Variants in CNBD1 observed in about 807,000 individuals in gnomAD.
CNBD1 encodes the protein cyclic nucleotide-binding domain-containing protein 1.
Under a neutral mutation model 54.4 loss-of-function variants are expected in CNBD1, and 71 were observed. That is an observed-to-expected ratio of 1.30 (90% CI 1.08 to 1.59). The LOEUF is 1.59. Ranked by LOEUF, CNBD1 falls within the 40% of genes most tolerant of loss-of-function variation. The probability of loss-of-function intolerance (pLI) is 0.00; values close to 1 mark genes in which losing one functional copy is unlikely to be tolerated. For missense variants in CNBD1, 659 were observed against 518.0 expected, an observed-to-expected ratio of 1.27 and a Z score of -2.64; for synonymous variants, 182 against 170.7, an observed-to-expected ratio of 1.07 and a Z score of -0.51.
intron 4 of CNBD1, among the ~76,000 whole-genome samples, chr8:86,979,202 C>T (rs1402214953): frequency 6.6e-6 from 1 of 151,730 alleles, no homozygotes; most frequent in East Asian, 1.9e-4. Flanking sequence ...GAGTATTTGT[C>T]TTCTTGTGTA....
At position 87,205,997 on chromosome 8, in the gene CNBD1, A is replaced by G. The variant is rs1813964216; in HGVS notation, c.436A>G (p.Ile146Val). ...EFLAILKKLP[I>V]HRTPYEHKTV... Reference sequence around the variant, plus strand: ...GTATTTTTTTTTTTTTTTGAGGCCCATTCACAGGACGCCATATGAACACAA... The same window carrying G: ...GTATTTTTTTTTTTTTTTGAGGCCCGTTCACAGGACGCCATATGAACACAA... The change falls in exon 5 of 11, where the codon ATT becomes GTT. Residue 146 changes from isoleucine to valine, a missense_variant. Transcript: ENST00000518476. 1 of 1,490,838 alleles carries G rather than the reference A, an allele frequency of 6.7e-7. No individual in the cohort carries two copies. The allele number at this position is 1,490,838 out of a possible 1,614,324, so 92.4% of individuals were successfully genotyped here.
At chr8:86,976,645 A>G (rs1808348739) in intron 4 of CNBD1, among the ~76,000 whole-genome samples, 1 of 151,998 alleles carries the variant, frequency 6.6e-6, no homozygotes, top group African/African-American at 2.4e-5. Context: ...TACTCTCACA[A>G]TATTAATTCT....
In CNBD1 at chr8:87,086,572, A is replaced by G. The variant is rs186483321; in HGVS notation, c.432-119421A>G. 1.8e-3 allele frequency among the ~76,000 whole-genome samples: 277 copies of G among 152,338 alleles called. 1 individual carries two copies. Among genetic ancestry groups the G allele is most frequent in the African/African-American group, 6.0e-3 (250 of 41,568 alleles). On this transcript the variant is annotated intron_variant, in intron 4 of 10. Coordinates refer to ENST00000518476, the MANE Select transcript of CNBD1 (RefSeq NM_173538.3). ...AGTATATGAAGATATTGCTGAAACA[A>G]TGATAACTGTGTTAAGATTTTCAGA...
intron 8 of CNBD1, among the ~76,000 whole-genome samples, chr8:87,348,755 A>G (rs1473147671): frequency 2.0e-5 from 3 of 152,202 alleles, no homozygotes; most frequent in East Asian, 1.9e-4. Context: ...TGCTGATGCT[A>G]ATAGCCAGTA....
At chr8:87,157,590 A>G (rs1812772394) in intron 4 of CNBD1, among the ~76,000 whole-genome samples, 1 of 152,180 alleles carries the variant, frequency 6.6e-6, no homozygotes, top group Non-Finnish European at 1.5e-5. Context: ...ATAAAAAAAC[A>G]TTTATGTTCC....
Position 87,416,354 on chromosome 8 carries a change from C to A in CNBD1, c.214-12192C>A, listed in dbSNP as rs181051030. Among the ~76,000 whole-genome samples, 485 of 152,116 alleles carry A rather than the reference C, an allele frequency of 3.2e-3. 2 individuals carry two copies. Among genetic ancestry groups the A allele is most frequent in the African/African-American group, 0.011 (453 of 41,530 alleles). On this transcript the variant is annotated intron_variant, in intron 2 of 7. Coordinates refer to the CNBD1 transcript ENST00000521593. ...ATGTTTTCAGTTATTTGCAAATTAA[C>A]CAAGGCTTGCAGGAATCTGGAGAGC...
chr8:87,413,158 C>T (rs1001371392), intron 2 of CNBD1, among the ~76,000 whole-genome samples: 3 of 151,904 alleles, frequency 2.0e-5, no homozygotes, highest in African/African-American at 7.3e-5. Flanking sequence ...CTTGTGGGAA[C>T]GTGGCTTGTG....
intron 6 of CNBD1, among the ~76,000 whole-genome samples, chr8:87,262,558 G>T (rs981499495): frequency 6.6e-6 from 1 of 152,122 alleles, no homozygotes; most frequent in Non-Finnish European, 1.5e-5. Context: ...AGGTAAATTT[G>T]CTCTCTCTGT....
At chr8:87,107,939 C>G (rs1811576354) in intron 4 of CNBD1, among the ~76,000 whole-genome samples, 1 of 152,196 alleles carries the variant, frequency 6.6e-6, no homozygotes, top group African/African-American at 2.4e-5. Context: ...GCATGTGTAT[C>G]TATCTCTTCA....
intron 4 of CNBD1, among the ~76,000 whole-genome samples, chr8:87,020,756 T>A (rs1809471423): frequency 6.6e-6 from 1 of 152,216 alleles, no homozygotes; most frequent in Non-Finnish European, 1.5e-5. Context: ...AGAATCCACA[T>A]TCTATAGAGA....
intron 4 of CNBD1, among the ~76,000 whole-genome samples, chr8:87,150,860 C>T (rs1462897465): frequency 4.6e-5 from 7 of 152,096 alleles, no homozygotes; most frequent in African/African-American, 1.4e-4. Context: ...TTGAGAAGGA[C>T]ATTTCTGGGT....
downstream of CNBD1, among the ~76,000 whole-genome samples, chr8:87,383,299 T>G (rs1455466890): frequency 2.6e-5 from 4 of 151,914 alleles, no homozygotes; most frequent in Non-Finnish European, 2.9e-5. Flanking sequence ...AGTTTATCTT[T>G]TCATCAGACC....
chr8:87,344,737 T>C (rs898330715), intron 8 of CNBD1, among the ~76,000 whole-genome samples: 2 of 152,166 alleles, frequency 1.3e-5, no homozygotes, highest in Admixed American at 1.3e-4. Context: ...GTACACTTGG[T>C]ACAAGTGAGT....
intron 6 of CNBD1, among the ~76,000 whole-genome samples, chr8:87,269,208 A>G (rs1014277064): frequency 6.6e-6 from 1 of 150,840 alleles, no homozygotes; most frequent in Non-Finnish European, 1.5e-5. Context: ...GTTATTGTCA[A>G]CTCTGTTAAG....
intron 4 of CNBD1, among the ~76,000 whole-genome samples, chr8:87,064,973 T>G (rs1256890124): frequency 1.3e-5 from 2 of 152,004 alleles, no homozygotes. Flanking sequence ...AGATGTTTCA[T>G]CAATTGTCTC....
chr8:87,367,585 G>T (rs1264875289), intron 10 of CNBD1, among the ~76,000 whole-genome samples: 2 of 152,100 alleles, frequency 1.3e-5, no homozygotes, highest in Non-Finnish European at 2.9e-5. Context: ...ATTCTGAGCT[G>T]ATTCTCCCAC....
chr8:87,097,850 G>C (rs535726364), intron 4 of CNBD1, among the ~76,000 whole-genome samples: 1 of 152,208 alleles, frequency 6.6e-6, no homozygotes, highest in South Asian at 2.1e-4. Flanking sequence ...AATTAACTTC[G>C]TGATCTGTCA....
At chr8:87,402,080 G>A (rs1807575669) in intron 2 of CNBD1, among the ~76,000 whole-genome samples, 1 of 152,018 alleles carries the variant, frequency 6.6e-6, no homozygotes, top group African/African-American at 2.4e-5. Context: ...CAATCATGGT[G>A]GAAGGTGAAG....
At chr8:87,405,687 T>C (rs1451287924) in intron 2 of CNBD1, among the ~76,000 whole-genome samples, 2 of 152,110 alleles carry the variant, frequency 1.3e-5, no homozygotes, top group East Asian at 1.9e-4. Flanking sequence ...TACTGTGTAC[T>C]CTTGAAAATT....
Sources: allele counts gnomAD v4.1 joint callset (sites outside exome capture counted in the v4.1 genomes callset), GRCh38; gene constraint gnomAD v4.1.1; transcripts MANE v1.5; gene names NCBI Gene and HGNC (gene_info 2026-07-23, HGNC 2026-07-21).